The following UST variants were observed in gnomAD, a reference collection of about 807,000 sequenced individuals.
The protein encoded by UST is uronyl 2-sulfotransferase.
Under a neutral mutation model 45.6 loss-of-function variants are expected in UST, and 21 were observed. That is an observed-to-expected ratio of 0.46 (90% CI 0.33 to 0.66). The LOEUF is 0.66. Among genes scored for constraint, UST ranks in the 30% least tolerant of loss-of-function variants. The pLI is 0.02. For synonymous variants in UST, 215 were observed against 200.6 expected (o/e 1.07, Z -0.61); for missense variants, 463 against 512.4 (o/e 0.90, Z 0.93).
At chr6:148,863,197 T>C (rs747941966) in intron 1 of UST, among the ~76,000 whole-genome samples, 1 of 152,196 alleles carries the variant, frequency 6.6e-6, no homozygotes, top group Non-Finnish European at 1.5e-5. Flanking sequence ...TGTTCGTTTA[T>C]TTTTACTCTT....
chr6:148,917,331 A>C (rs542577582), intron 2 of UST, among the ~76,000 whole-genome samples: 3 of 152,366 alleles, frequency 2.0e-5, no homozygotes, highest in African/African-American at 7.2e-5. Flanking sequence ...GGCCATGCAT[A>C]TAGCAGGACC....
At chr6:148,822,283 C>G (rs1178614807) in intron 1 of UST, among the ~76,000 whole-genome samples, 1 of 152,214 alleles carries the variant, frequency 6.6e-6, no homozygotes, top group Non-Finnish European at 1.5e-5. Context: ...ATCTAACACT[C>G]TAGGTTTGTT....
At chr6:148,769,601 C>T (rs1415759657) in intron 1 of UST, among the ~76,000 whole-genome samples, 3 of 152,224 alleles carry the variant, frequency 2.0e-5, no homozygotes, top group Admixed American at 6.5e-5. Flanking sequence ...AAAGAGACTG[C>T]TGTGTGGTAT....
intron 1 of UST, among the ~76,000 whole-genome samples, chr6:148,783,135 A>G (rs533237797): frequency 1.3e-5 from 2 of 152,342 alleles, no homozygotes; most frequent in Non-Finnish European, 2.9e-5. Flanking sequence ...ATTATGACTC[A>G]CTGAAGGCTC....
intron 1 of UST, among the ~76,000 whole-genome samples, chr6:148,754,228 C>G (rs1317685139): frequency 6.6e-6 from 1 of 152,088 alleles, no homozygotes; most frequent in African/African-American, 2.4e-5. Context: ...GATCTCCTGA[C>G]CTCGTGATTC....
chr6:148,752,264 C>T (rs1019623677), intron 1 of UST, among the ~76,000 whole-genome samples: 1 of 152,074 alleles, frequency 6.6e-6, no homozygotes, highest in Non-Finnish European at 1.5e-5. Flanking sequence ...TTTCTTTGAA[C>T]CTAAAAAGCC....
At position 149,047,926 on chromosome 6, in the gene UST, G is replaced by A. The variant is rs142110849; in HGVS notation, c.938-25907G>A. ...AAGCTCTTGGGTTTAAAATAATGGT[G>A]TAAAAGCACAAGCTCAGATAGACAA... On this transcript the variant is annotated intron_variant, in intron 7 of 7. Transcript: ENST00000367463. 7.2e-4 allele frequency among the ~76,000 whole-genome samples: 109 copies of A among 152,236 alleles called. 1 individual carries two copies. In the East Asian group the frequency reaches 0.01, roughly 14 times the overall value.
chr6:149,036,593 T>C (rs960491590), intron 7 of UST, among the ~76,000 whole-genome samples: 6 of 152,260 alleles, frequency 3.9e-5, no homozygotes, highest in African/African-American at 1.4e-4. Context: ...TTTAAGATTC[T>C]GCTGCCAGCT....
chr6:148,820,806 T>A (rs1250683956), intron 1 of UST, among the ~76,000 whole-genome samples: 2 of 141,436 alleles, frequency 1.4e-5, no homozygotes, highest in African/African-American at 5.3e-5. Flanking sequence ...TGAGCTGAGA[T>A]CGCACCACTG....
chr6:149,000,918 TAGAC>T (rs770098775), intron 5 of UST, among the ~76,000 whole-genome samples: 4 of 151,990 alleles, frequency 2.6e-5, no homozygotes, highest in East Asian at 1.9e-4. Context: ...CAGAAACAGA[TAGAC>T]AGATAGAGCA....
At chr6:148,918,100 A>C (rs1349566657) in intron 2 of UST, among the ~76,000 whole-genome samples, 1 of 152,200 alleles carries the variant, frequency 6.6e-6, no homozygotes, top group Non-Finnish European at 1.5e-5. Flanking sequence ...GTGGGGTTAA[A>C]ATTCCAGAAG....
chr6:149,038,954 C>T (rs532947022), intron 7 of UST, among the ~76,000 whole-genome samples: 2 of 152,212 alleles, frequency 1.3e-5, no homozygotes, highest in South Asian at 4.1e-4. Flanking sequence ...AAAAATCTGA[C>T]ACAATATTTA....
intron 1 of UST, among the ~76,000 whole-genome samples, chr6:148,835,455 G>C (rs1330865554): frequency 1.3e-5 from 2 of 152,188 alleles, no homozygotes; most frequent in African/African-American, 2.4e-5. Context: ...CTTTCTCAGA[G>C]AGTCTGTGTC....
At chr6:148,941,166 C>T in intron 2 of UST, 113 bp from the exon 3 acceptor site, 3 of 1,215,330 alleles carry the variant, frequency 2.5e-6, no homozygotes, top group Non-Finnish European at 3.6e-6. Flanking sequence ...TGATTATAGG[C>T]CTTTTTCACT....
chr6:149,005,318 T>C, intron 5 of UST: 12 of 985,364 alleles, frequency 1.2e-5, no homozygotes, highest in Non-Finnish European at 1.4e-5. Context: ...GCCATAGAAT[T>C]GGAGAGGGTT....
chr6:149,003,892 T>TGC (rs1781599652), intron 5 of UST, among the ~76,000 whole-genome samples: 1 of 151,996 alleles, frequency 6.6e-6, no homozygotes, highest in East Asian at 1.9e-4. Context: ...TTAATAGACG[T>TGC]GCAGGGCCTC....
intron 1 of UST, among the ~76,000 whole-genome samples, chr6:148,755,638 T>C (rs1374763893): frequency 3.4e-5 from 5 of 148,652 alleles, no homozygotes; most frequent in Admixed American, 2.7e-4. Context: ...TGAGATCTGA[T>C]GGTTTCTTTT....
intron 5 of UST, among the ~76,000 whole-genome samples, chr6:149,005,944 G>A (rs955551680): frequency 6.6e-6 from 1 of 152,182 alleles, no homozygotes; most frequent in Admixed American, 6.5e-5. Context: ...CAGACCTGAG[G>A]GTGGCTGAAG....
At chr6:148,786,533 C>T (rs1477305652) in intron 1 of UST, among the ~76,000 whole-genome samples, 1 of 152,168 alleles carries the variant, frequency 6.6e-6, no homozygotes, top group Non-Finnish European at 1.5e-5. Context: ...ATAATGACCT[C>T]CAGCTCCATT....
Sources: allele counts gnomAD v4.1 joint callset (sites outside exome capture counted in the v4.1 genomes callset), GRCh38; gene constraint gnomAD v4.1.1; transcripts MANE v1.5; gene names NCBI Gene and HGNC (gene_info 2026-07-23, HGNC 2026-07-21).